ZFPM2: variants seen among roughly 807,000 people sequenced by gnomAD.
ZFPM2 encodes the protein zinc finger protein ZFPM2.
In ZFPM2, 20 loss-of-function variants were observed where a neutral mutation model predicts 98.6. That is an observed-to-expected ratio of 0.20 (90% CI 0.14 to 0.29). The LOEUF is 0.29. Ranked by LOEUF, ZFPM2 falls within the 10% of genes least tolerant of loss-of-function variation. The pLI is 1.00. For synonymous variants in ZFPM2, 518 were observed against 502.7 expected (o/e 1.03, Z -0.41); for missense variants, 1,310 against 1,388.6 (o/e 0.94, Z 0.90).
intron 2 of ZFPM2, among the ~76,000 whole-genome samples, chr8:105,419,793 A>G (rs1811756302): frequency 6.6e-6 from 1 of 151,812 alleles, no homozygotes; most frequent in African/African-American, 2.4e-5. Flanking sequence ...ATTGTCAAAT[A>G]AAAAAATATA....
intron 3 of ZFPM2, among the ~76,000 whole-genome samples, chr8:105,556,185 A>G (rs993727170): frequency 5.9e-5 from 9 of 152,252 alleles, no homozygotes; most frequent in Non-Finnish European, 1.2e-4. Context: ...GGTTGTCTAC[A>G]TCTGAGTTGA....
chr8:105,736,236 T>C (rs1812070239), intron 5 of ZFPM2, among the ~76,000 whole-genome samples: 1 of 151,886 alleles, frequency 6.6e-6, no homozygotes, highest in African/African-American at 2.4e-5. Context: ...CTAATGAGGG[T>C]AGGGACAATC....
chr8:105,750,375 A>C (rs925002403), intron 5 of ZFPM2, among the ~76,000 whole-genome samples: 6 of 152,092 alleles, frequency 3.9e-5, no homozygotes, highest in African/African-American at 1.4e-4. Flanking sequence ...AAATTTAACA[A>C]GTTAATTATT....
chr8:105,792,302 T>C (rs1168822901), intron 6 of ZFPM2, among the ~76,000 whole-genome samples: 1 of 152,188 alleles, frequency 6.6e-6, no homozygotes, highest in Non-Finnish European at 1.5e-5. Flanking sequence ...TTTGTTCTCA[T>C]TGGTTTCAAA....
intron 6 of ZFPM2, among the ~76,000 whole-genome samples, chr8:105,791,833 C>T (rs1215121854): frequency 7.2e-5 from 11 of 152,146 alleles, no homozygotes; most frequent in Non-Finnish European, 1.5e-4. Context: ...GTGTATGTGT[C>T]GAGGAATTTA....
chr8:105,758,713 G>A (rs1036600785), intron 5 of ZFPM2, among the ~76,000 whole-genome samples: 2 of 152,004 alleles, frequency 1.3e-5, no homozygotes, highest in Admixed American at 1.3e-4. Context: ...GCTTCCACAT[G>A]CATTACTGAG....
chr8:105,712,255 T>C (rs1398145933), intron 5 of ZFPM2, among the ~76,000 whole-genome samples: 1 of 152,076 alleles, frequency 6.6e-6, no homozygotes, highest in East Asian at 1.9e-4. Flanking sequence ...AAATATTTAG[T>C]AGTGACATGC....
intron 5 of ZFPM2, among the ~76,000 whole-genome samples, chr8:105,734,801 T>TC (rs1056381417): frequency 2.6e-5 from 4 of 151,806 alleles, no homozygotes; most frequent in Non-Finnish European, 5.9e-5. Flanking sequence ...TCTTTTATAG[T>TC]CCTTTTTTTG....
chr8:105,568,693 C>G (rs1039111698), intron 4 of ZFPM2, among the ~76,000 whole-genome samples: 2 of 152,130 alleles, frequency 1.3e-5, no homozygotes, highest in African/African-American at 4.8e-5. Flanking sequence ...TTTATTTACT[C>G]AGACCACAGT....
intron 4 of ZFPM2, among the ~76,000 whole-genome samples, chr8:105,580,772 T>C (rs1815573371): frequency 1.3e-5 from 2 of 150,988 alleles, no homozygotes; most frequent in South Asian, 4.2e-4. Flanking sequence ...TGACTAAGAA[T>C]AGTAACAGTG....
intron 3 of ZFPM2, among the ~76,000 whole-genome samples, chr8:105,501,837 ATAAAC>A (rs1201573536): frequency 2.2e-4 from 33 of 152,344 alleles, no homozygotes; most frequent in African/African-American, 7.2e-4. Context: ...TTTATTCAGA[ATAAAC>A]TATATTATAA....
chr8:105,329,843 G>T (rs1251858678), intron 1 of ZFPM2, among the ~76,000 whole-genome samples: 2 of 151,638 alleles, frequency 1.3e-5, no homozygotes, highest in Non-Finnish European at 2.9e-5. Context: ...TAATTAATTT[G>T]CTGAACTTGA....
intron 4 of ZFPM2, among the ~76,000 whole-genome samples, chr8:105,583,561 T>C (rs1358014699): frequency 6.6e-6 from 1 of 152,234 alleles, no homozygotes; most frequent in Non-Finnish European, 1.5e-5. Flanking sequence ...CTCTTTCATC[T>C]GCAAAGACAG....
In ZFPM2 at chr8:105,801,685, T is replaced by C. The variant is rs774809367; in HGVS notation, c.1603T>C (p.Tyr535His). ...HRRLRHGSSS[Y>H]PPVIYSPLMP... ...GCGACTGAGGCATGGCAGTAGTAGC[T>C]ACCCTCCCGTCATTTACAGCCCTTT... Residue 535 changes from tyrosine (Y) to histidine (H), a missense_variant, in exon 8 of 8, where the codon TAC (tyrosine) becomes CAC (histidine). Physicochemically the swap from Tyr to His is moderately conservative, Grantham distance 83. Transcript: ENST00000407775. 1 of 1,613,736 alleles carries C rather than the reference T, an allele frequency of 6.2e-7. No homozygotes were observed. Among genetic ancestry groups the C allele is most frequent in the Non-Finnish European group, 8.5e-7 (1 of 1,179,868 alleles).
intron 5 of ZFPM2, among the ~76,000 whole-genome samples, chr8:105,765,037 A>T (rs1156494415): frequency 6.6e-6 from 1 of 151,778 alleles, no homozygotes; most frequent in Non-Finnish European, 1.5e-5. Flanking sequence ...AGATTTCAGG[A>T]CCACGTGGTC....
chr8:105,734,626 C>T (rs1232243681), intron 5 of ZFPM2, among the ~76,000 whole-genome samples: 1 of 151,868 alleles, frequency 6.6e-6, no homozygotes, highest in Non-Finnish European at 1.5e-5. Flanking sequence ...TTATTTGACT[C>T]CTATACTGTG....
intron 5 of ZFPM2, among the ~76,000 whole-genome samples, chr8:105,730,803 C>A (rs1268953767): frequency 2.2e-5 from 3 of 135,084 alleles, no homozygotes; most frequent in Admixed American, 1.6e-4. Flanking sequence ...TTTTTACTGG[C>A]TACAGAATGA....
chr8:105,550,539 C>G (rs1814827079), intron 3 of ZFPM2, among the ~76,000 whole-genome samples: 1 of 152,022 alleles, frequency 6.6e-6, no homozygotes, highest in Non-Finnish European at 1.5e-5. Context: ...TTCCTATAGC[C>G]CTACCAGGTA....
chr8:105,629,912 C>T (rs1816725480), intron 4 of ZFPM2, among the ~76,000 whole-genome samples: 2 of 152,046 alleles, frequency 1.3e-5, no homozygotes, highest in Non-Finnish European at 2.9e-5. Context: ...TAGACTGGGC[C>T]CATCTGGATA....
Sources: gnomAD v4.1 joint callset for allele counts (sites outside exome capture counted in the v4.1 genomes callset) on GRCh38, gnomAD v4.1.1 for gene constraint, MANE v1.5 for transcripts, NCBI Gene and HGNC (gene_info 2026-07-23, HGNC 2026-07-21) for gene names.